PON2: variants seen among roughly 807,000 people sequenced by gnomAD.
PON2 encodes paraoxonase 2.
A neutral mutation model predicts 36.6 loss-of-function variants in PON2; 27 were observed. The ratio of observed to expected loss-of-function variants is 0.74; its 90% CI spans 0.54 to 1.02. PON2 has a LOEUF of 1.02. Among genes scored for constraint, PON2 ranks in the 50% least tolerant of loss-of-function variants. The pLI is 0.00. For synonymous variants in PON2, 149 were observed against 156.3 expected (o/e 0.95, Z 0.35); for missense variants, 363 against 421.1 (o/e 0.86, Z 1.21).
rs569137414 is a variant in PON2 at position 95,411,713 on chromosome 7, A to G, written c.434T>C (p.Phe145Ser). 75 of 1,613,878 alleles carry G rather than the reference A, an allele frequency of 4.6e-5. 1 individual carries two copies. In the South Asian group the frequency reaches 7.5e-4, roughly 16 times the overall value. Reference protein sequence around the residue: ...EFKNTVEIFKFEEAENSLLHL... With the variant: ...EFKNTVEIFKSEEAENSLLHL... ...CAACAGAGAATTTTCTGCTTCTTCA[A>G]ATTTAAAAATTTCCACTGTATTCTT... Residue 145 changes from phenylalanine (F) to serine (S), a missense_variant, in exon 5 of 9, where the codon TTT (phenylalanine) becomes TCT (serine). By Grantham distance (155) the Phe-to-Ser change is radical. Coordinates refer to ENST00000222572, the MANE Select transcript of PON2 (RefSeq NM_000305.3).
At chr7:95,418,878 T>A (rs1293371800) in intron 2 of PON2, among the ~76,000 whole-genome samples, 1 of 152,168 alleles carries the variant, frequency 6.6e-6, no homozygotes, top group Non-Finnish European at 1.5e-5. Context: ...ATCAAGAGAA[T>A]GGTGTGGTGA....
Position 95,424,605 on chromosome 7 carries a change from A to AT in PON2, c.75-21_75-20insA, listed in dbSNP as rs1789272040. On this transcript the variant is annotated intron_variant, in intron 1 of 8. Transcript: ENST00000222572. ...CGATTTCTGTTACAAAGAAAAAAAA[A>AT]CAAAAAACAAAAAACTATTTGTTTA... 6.3e-7 allele frequency: 1 copy of AT among 1,580,600 alleles called. No homozygotes were observed. The highest frequency in any genetic ancestry group is 1.7e-5 in the Admixed American group (1 of 59,870).
intron 2 of PON2, among the ~76,000 whole-genome samples, chr7:95,417,516 A>T (rs940002009): frequency 2.0e-5 from 3 of 152,152 alleles, no homozygotes; most frequent in Non-Finnish European, 4.4e-5. Context: ...ACGTTTCTGT[A>T]AAAACGGTCC....
intron 1 of PON2, among the ~76,000 whole-genome samples, chr7:95,429,635 C>T (rs529079977): frequency 1.3e-4 from 20 of 152,188 alleles, no homozygotes; most frequent in Admixed American, 2.6e-4. Context: ...TACCATGCTA[C>T]GGTGCCAATA....
intron 1 of PON2, among the ~76,000 whole-genome samples, chr7:95,430,098 G>A (rs2116507246): frequency 6.6e-6 from 1 of 152,260 alleles, no homozygotes; most frequent in Non-Finnish European, 1.5e-5. Context: ...AGATATCTAT[G>A]AAGACTGGAT....
intron 1 of PON2, 37 bp from the exon 2 acceptor site, chr7:95,424,622 A>G (rs985665201): frequency 2.6e-6 from 4 of 1,524,882 alleles, no homozygotes; most frequent in Middle Eastern, 2.1e-4. Context: ...ACAAAAAACT[A>G]TTTGTTTATG....
At chr7:95,422,709 T>C (rs920448417) in intron 2 of PON2, among the ~76,000 whole-genome samples, 1 of 152,236 alleles carries the variant, frequency 6.6e-6, no homozygotes. Context: ...AACCCGAGTT[T>C]TAATTTCTAA....
intron 1 of PON2, among the ~76,000 whole-genome samples, chr7:95,432,326 C>T (rs1234030435): frequency 2.0e-5 from 3 of 152,128 alleles, no homozygotes; most frequent in Non-Finnish European, 4.4e-5. Context: ...GGGAGGACTG[C>T]TTGTGCCTAG....
Position 95,412,428 on chromosome 7 carries a change from C to A in PON2, c.251G>T (p.Gly84Val). 6.2e-7 allele frequency: 1 copy of A among 1,614,078 alleles called. No individual in the cohort carries two copies. The highest frequency in any genetic ancestry group is 8.5e-7 in the Non-Finnish European group (1 of 1,179,994). Residue 84 changes from glycine to valine, a missense_variant, in exon 4 of 9, where the codon GGA becomes GTA. Physicochemically the swap from Gly to Val is moderately radical, Grantham distance 109. Coordinates refer to ENST00000222572, the MANE Select transcript of PON2 (RefSeq NM_000305.3). ...LHSFAPDKPG[G>V]ILMMDLKEEK... The stretch of plus-strand genomic sequence containing the variant: ...TTCTTTTAGATCCATCATTAGTATT[C>A]CTCCAGGCTTATCTGGTGCAAAGCT...
chr7:95,413,799 C>A (rs1788996361), intron 3 of PON2, among the ~76,000 whole-genome samples: 1 of 152,134 alleles, frequency 6.6e-6, no homozygotes, highest in South Asian at 2.1e-4. Context: ...AAGAGGAAAT[C>A]TCTCCAATTA....
intron 1 of PON2, among the ~76,000 whole-genome samples, chr7:95,434,015 T>C (rs976890332): frequency 1.3e-5 from 2 of 152,206 alleles, no homozygotes; most frequent in African/African-American, 4.8e-5. Flanking sequence ...ACATTACACA[T>C]AGCAGGTGCT....
chr7:95,424,521 C>T lies in PON2; in HGVS notation c.139G>A (p.Gly47Arg). The T allele has an allele frequency of 1.2e-6, 2 of 1,612,170 alleles. No homozygotes were observed. Among genetic ancestry groups the T allele is most frequent in the Non-Finnish European group, 1.7e-6 (2 of 1,178,550 alleles). ...AGCATTTTCATATACATACCAATTC[C>T]TTTAATCAGGTGGCAGTGTGGAAGG... is the stretch of plus-strand genomic sequence containing the variant. ...VDLPHCHLIKGIEAGSEDIDI... is the reference protein window; with the variant it reads ...VDLPHCHLIKRIEAGSEDIDI... The change falls in exon 2 of 9, where the codon GGA becomes AGA. Residue 47 changes from glycine to arginine, a missense_variant. By Grantham distance (125) the Gly-to-Arg change is moderately radical (BLOSUM62 -2). Coordinates refer to ENST00000222572, the MANE Select transcript of PON2 (RefSeq NM_000305.3).
chr7:95,416,167 C>T, intron 3 of PON2, 75 bp downstream of exon 3: 2 of 1,607,658 alleles, frequency 1.2e-6, no homozygotes, highest in South Asian at 1.1e-5. Flanking sequence ...TTAAAAGCAA[C>T]TTACTGTTCT....
intron 3 of PON2, among the ~76,000 whole-genome samples, chr7:95,414,239 T>C (rs940528430): frequency 2.0e-5 from 3 of 152,148 alleles, no homozygotes; most frequent in African/African-American, 7.2e-5. Context: ...TAGGTTGGGT[T>C]AGATGAGCTA....
chr7:95,412,687 G>A (rs946560479), intron 3 of PON2: 2 of 582,636 alleles, frequency 3.4e-6, no homozygotes, highest in Admixed American at 5.9e-5. Flanking sequence ...AAGAAGATCA[G>A]GGATTTATTC....
At chr7:95,407,119 A>G in intron 6 of PON2, 51 bp from the exon 7 acceptor site, 1 of 1,170,882 alleles carries the variant, frequency 8.5e-7, no homozygotes, top group Non-Finnish European at 1.3e-6. Context: ...ATAAAGCTTC[A>G]TTAATACAGT....
chr7:95,429,007 C>A (rs1266016977), intron 1 of PON2, among the ~76,000 whole-genome samples: 1 of 151,886 alleles, frequency 6.6e-6, no homozygotes, highest in African/African-American at 2.4e-5. Context: ...TATGAATGAA[C>A]TCAGGCTACC....
chr7:95,412,274 CACACGTT>C lies in PON2; in HGVS notation c.367+31_367+37del, dbSNP rs764254603. 67 of 1,608,432 alleles carry C rather than the reference CACACGTT, an allele frequency of 4.2e-5. No individual in the cohort carries two copies. In the Middle Eastern group the frequency reaches 3.5e-3, roughly 83 times the overall value. On this transcript the variant is annotated intron_variant, in intron 4 of 8. Coordinates refer to ENST00000222572, the MANE Select transcript of PON2 (RefSeq NM_000305.3). The stretch of plus-strand genomic sequence containing the variant: ...TTTTTCACAGTCATTTGTGAACCAT[CACACGTT>C]ACTAAATGTTGGTAGCCCATTGGCT...
intron 6 of PON2, among the ~76,000 whole-genome samples, chr7:95,408,632 A>C (rs1225780188): frequency 6.6e-6 from 1 of 152,236 alleles, no homozygotes; most frequent in African/African-American, 2.4e-5. Context: ...TTCTATAGTC[A>C]ACAAGAAAGG....
Sources: allele counts gnomAD v4.1 joint callset (sites outside exome capture counted in the v4.1 genomes callset), GRCh38; gene constraint gnomAD v4.1.1; transcripts MANE v1.5; gene names NCBI Gene and HGNC (gene_info 2026-07-23, HGNC 2026-07-21).